CACNA2D3: variants seen among roughly 807,000 people sequenced by gnomAD.
CACNA2D3 encodes the protein calcium voltage-gated channel auxiliary subunit alpha2delta 3.
CACNA2D3 carries 60 observed loss-of-function variants against 160.6 expected under a neutral mutation model. The observed-to-expected ratio is 0.37, with a 90% CI of 0.30 to 0.46. CACNA2D3 has a LOEUF of 0.46. CACNA2D3 is among the 20% of genes least tolerant of loss of function. The pLI is 1.00. For missense variants in CACNA2D3, 1,205 were observed against 1,365.0 expected, an observed-to-expected ratio of 0.88 and a Z score of 1.85; for synonymous variants, 558 against 492.9, an observed-to-expected ratio of 1.13 and a Z score of -1.75.
At chr3:54,687,728 C>G (rs1409246877) in intron 11 of CACNA2D3, among the ~76,000 whole-genome samples, 1 of 152,200 alleles carries the variant, frequency 6.6e-6, no homozygotes, top group Non-Finnish European at 1.5e-5. Flanking sequence ...GACATAGCAA[C>G]TTGGCTTTCT....
intron 4 of CACNA2D3, among the ~76,000 whole-genome samples, chr3:54,452,286 C>T (rs912843172): frequency 6.6e-6 from 1 of 152,154 alleles, no homozygotes; most frequent in African/African-American, 2.4e-5. Context: ...ATTTATAAAA[C>T]CATCAGATCT....
intron 27 of CACNA2D3, among the ~76,000 whole-genome samples, chr3:54,933,071 TCCTTCCTTCCTTCCTTCC>T (rs1701239063): frequency 1.4e-5 from 1 of 71,778 alleles, no homozygotes; most frequent in South Asian, 3.8e-4. Flanking sequence ...CTTCCTTCCT[TCCTTCCTTCCTTCCTTCC>T]TTCCTTCCTT....
chr3:54,473,117 A>G (rs565757729), intron 4 of CACNA2D3, among the ~76,000 whole-genome samples: 56 of 152,306 alleles, frequency 3.7e-4, no homozygotes, highest in African/African-American at 1.3e-3. Context: ...GCATCATGCT[A>G]CCTTACTTCA....
chr3:54,507,386 T>C (rs1208948825), intron 5 of CACNA2D3, among the ~76,000 whole-genome samples: 1 of 152,228 alleles, frequency 6.6e-6, no homozygotes, highest in Non-Finnish European at 1.5e-5. Context: ...CATTGCTCTG[T>C]TCTGTGAATG....
In CACNA2D3 at chr3:54,838,605, A is replaced by T. The variant is rs760774143; in HGVS notation, c.1508A>T (p.Asp503Val). 3 of 1,613,768 alleles carry T rather than the reference A, an allele frequency of 1.9e-6. No individual in the cohort carries two copies. Among genetic ancestry groups the T allele is most frequent in the Non-Finnish European group, 2.5e-6 (3 of 1,179,652 alleles). ...KGILLGVVGT[D>V]VPVKELLKTI... ...ATTCTTCTGGGAGTGGTTGGCACAG[A>T]TGTCCCAGTGAAAGAACTTCTGAAG... is the stretch of plus-strand genomic sequence containing the variant. The change falls in exon 16 of 38, where the codon GAT becomes GTT. Residue 503 changes from aspartate to valine, a missense_variant. By Grantham distance (152) the Asp-to-Val change is radical (BLOSUM62 -3). Around this residue, in one of 3 missense-constraint regions of CACNA2D3, gnomAD observed 911 missense variants for 1,002.2 expected, o/e 0.91. Coordinates refer to ENST00000474759, the MANE Select transcript of CACNA2D3 (RefSeq NM_018398.3).
At chr3:54,558,043 C>T (rs1027030163) in intron 5 of CACNA2D3, among the ~76,000 whole-genome samples, 3 of 152,260 alleles carry the variant, frequency 2.0e-5, no homozygotes, top group Admixed American at 6.5e-5. Flanking sequence ...CTGGGGCTGC[C>T]GCTGGAAAGG....
At chr3:54,158,151 A>T (rs953927211) in intron 2 of CACNA2D3, among the ~76,000 whole-genome samples, 3 of 152,192 alleles carry the variant, frequency 2.0e-5, no homozygotes, top group Non-Finnish European at 4.4e-5. Flanking sequence ...GGGAGGTATT[A>T]GGAGCCCCTG....
At chr3:54,764,441 T>C in intron 13 of CACNA2D3, 90 bp downstream of exon 13, 1 of 1,479,932 alleles carries the variant, frequency 6.8e-7, no homozygotes, top group Non-Finnish European at 9.2e-7. Context: ...GTATCACTCT[T>C]ATTTTTTGTG....
chr3:54,919,279 T>G (rs1262050241), intron 27 of CACNA2D3, among the ~76,000 whole-genome samples: 1 of 152,232 alleles, frequency 6.6e-6, no homozygotes, highest in Non-Finnish European at 1.5e-5. Flanking sequence ...AAGAAAACTT[T>G]TGTACCAGAT....
intron 13 of CACNA2D3, among the ~76,000 whole-genome samples, chr3:54,790,636 C>G (rs554190433): frequency 6.6e-6 from 1 of 152,154 alleles, no homozygotes. Flanking sequence ...TTCCTGTACT[C>G]CAGAACTTCA....
chr3:54,960,830 GT>G (rs112350494), intron 27 of CACNA2D3, among the ~76,000 whole-genome samples: 1,844 of 152,284 alleles, frequency 0.012, 43 homozygotes, highest in African/African-American at 0.042. Context: ...TAACAGATGA[GT>G]TATGTCCTAA....
intron 27 of CACNA2D3, among the ~76,000 whole-genome samples, chr3:54,919,215 G>T (rs2106925820): frequency 6.6e-6 from 1 of 152,336 alleles, no homozygotes; most frequent in African/African-American, 2.4e-5. Context: ...GATGGTGAGG[G>T]CACAGCTGCC....
intron 3 of CACNA2D3, among the ~76,000 whole-genome samples, chr3:54,350,968 G>GGTTTTTTTTTT (rs1698542647): frequency 7.1e-5 from 4 of 56,106 alleles, no homozygotes; most frequent in Non-Finnish European, 1.4e-4. Context: ...TCTTGAGTCT[G>GGTTTTTTTTTT]TTTTTTTTTT....
At chr3:55,014,911 C>A (rs777293677) in intron 34 of CACNA2D3, among the ~76,000 whole-genome samples, 1 of 152,168 alleles carries the variant, frequency 6.6e-6, no homozygotes, top group African/African-American at 2.4e-5. Flanking sequence ...TGGCTTTACA[C>A]GATAATTCAC....
intron 35 of CACNA2D3, among the ~76,000 whole-genome samples, chr3:55,051,070 T>C (rs1704193762): frequency 6.6e-6 from 1 of 151,452 alleles, no homozygotes. Flanking sequence ...TAGCTCAGAG[T>C]AATTTGATTG....
At chr3:54,954,565 T>A (rs1289568108) in intron 27 of CACNA2D3, among the ~76,000 whole-genome samples, 2 of 152,180 alleles carry the variant, frequency 1.3e-5, no homozygotes, top group African/African-American at 4.8e-5. Flanking sequence ...CTCTTCCCTT[T>A]CCAGTCCAAA....
intron 35 of CACNA2D3, among the ~76,000 whole-genome samples, chr3:55,059,784 A>T (rs1204008706): frequency 6.6e-6 from 1 of 151,918 alleles, no homozygotes; most frequent in Non-Finnish European, 1.5e-5. Context: ...AGTGGGATGG[A>T]TTGGGGGGTG....
chr3:54,400,042 G>C lies in CACNA2D3; in HGVS notation c.381+13268G>C, dbSNP rs1313766476. 2.3e-5 allele frequency among the ~76,000 whole-genome samples: 3 copies of C among 131,708 alleles called. No individual in the cohort carries two copies. In the Admixed American group the frequency reaches 2.4e-4, roughly 10 times the overall value. 86.4% of individuals were successfully genotyped at this position (131,708 alleles called of 152,430 possible). A position where few individuals can be genotyped will look rare whatever the true frequency, so the allele number is the denominator to read the frequency against. ...AGCCGGTCTGAAAAGTGCAATATTC[G>C]GGTGGGAGTGACCCGATTTTCCAGG... On this transcript the variant is annotated intron_variant, in intron 4 of 37. Transcript: ENST00000474759.
At chr3:54,585,029 C>G (rs1305006576) in intron 9 of CACNA2D3, among the ~76,000 whole-genome samples, 2 of 151,986 alleles carry the variant, frequency 1.3e-5, no homozygotes, top group African/African-American at 2.4e-5. Flanking sequence ...AGGGAATTCT[C>G]TAAACAGAAA....
Sources: gnomAD v4.1 joint callset for allele counts (sites outside exome capture counted in the v4.1 genomes callset) on GRCh38, gnomAD v4.1.1 for gene constraint, gnomAD v4.1.1 regional missense constraint, MANE v1.5 for transcripts, NCBI Gene and HGNC (gene_info 2026-07-23, HGNC 2026-07-21) for gene names.